The following THSD4 variants were observed in gnomAD, a reference collection of about 807,000 sequenced individuals.
THSD4 encodes the protein thrombospondin type-1 domain-containing protein 4.
In THSD4, 69 loss-of-function variants were observed where a neutral mutation model predicts 119.0. The ratio of observed to expected loss-of-function variants is 0.58; its 90% CI spans 0.48 to 0.71. The LOEUF (loss-of-function observed/expected upper bound fraction) is 0.71, where lower values mean the gene tolerates loss of function less well. Among genes scored for constraint, THSD4 ranks in the 30% least tolerant of loss-of-function variants. The pLI, the probability that THSD4 is intolerant of heterozygous loss-of-function variation, is 0.00. For missense variants in THSD4, 1,393 were observed against 1,391.1 expected, an observed-to-expected ratio of 1.00 and a Z score of -0.02; for synonymous variants, 524 against 540.4, an observed-to-expected ratio of 0.97 and a Z score of 0.42.
chr15:71,777,003 C>T (rs537509229), intron 17 of THSD4, among the ~76,000 whole-genome samples: 1 of 152,286 alleles, frequency 6.6e-6, no homozygotes, highest in African/African-American at 2.4e-5. Context: ...AGGAAGTGAT[C>T]AGAGAGAAGT....
At chr15:71,207,008 C>T (rs2043849305) in intron 3 of THSD4, among the ~76,000 whole-genome samples, 5 of 151,972 alleles carry the variant, frequency 3.3e-5, no homozygotes, top group South Asian at 2.1e-4. Flanking sequence ...ATCATGGTGT[C>T]GTTATAAGTT....
At chr15:71,508,310 G>A (rs887563872) in intron 7 of THSD4, among the ~76,000 whole-genome samples, 2 of 152,146 alleles carry the variant, frequency 1.3e-5, no homozygotes, top group Non-Finnish European at 2.9e-5. Context: ...CAGGCCTAAG[G>A]GAATTCATCT....
intron 6 of THSD4, among the ~76,000 whole-genome samples, chr15:71,337,114 T>C (rs2140382034): frequency 6.6e-6 from 1 of 152,312 alleles, no homozygotes; most frequent in African/African-American, 2.4e-5. Context: ...ACCGCCTTGG[T>C]CCTGGGCTAG....
rs11312461 is a variant in THSD4 at position 71,152,422 on chromosome 15, C to CA, written c.30-2428dup. Among the ~76,000 whole-genome samples, 615 of 120,600 alleles carry CA rather than the reference C, an allele frequency of 5.1e-3. 4 individuals are homozygous for CA. Among genetic ancestry groups the CA allele is most frequent in the Middle Eastern group, 4.9e-3 (1 of 206 alleles). The allele number at this position is 120,600 out of a possible 152,430, so 79.1% of individuals were successfully genotyped here. ...GGGAGACAGAACGAGACTCTGTCTCCAAAAAAAAAAAAATAAAAATCAACA... is the reference window on the plus strand; with the variant it reads ...GGGAGACAGAACGAGACTCTGTCTCCAAAAAAAAAAAAAATAAAAATCAACA... On this transcript the variant is annotated intron_variant, in intron 2 of 17. Transcript: ENST00000261862.
At chr15:71,318,246 C>T (rs1326347142) in intron 6 of THSD4, among the ~76,000 whole-genome samples, 1 of 152,110 alleles carries the variant, frequency 6.6e-6, no homozygotes, top group Non-Finnish European at 1.5e-5. Context: ...GACAACTGAG[C>T]CTCCAAAGTC....
chr15:71,346,713 A>G (rs1030339333), intron 6 of THSD4, among the ~76,000 whole-genome samples: 2 of 152,182 alleles, frequency 1.3e-5, no homozygotes, highest in East Asian at 3.8e-4. Context: ...TGCTGCTCCT[A>G]GACCCTTGCA....
At chr15:71,715,558 C>T (rs553560752) in intron 8 of THSD4, among the ~76,000 whole-genome samples, 19 of 151,634 alleles carry the variant, frequency 1.3e-4, no homozygotes, top group African/African-American at 4.1e-4. Flanking sequence ...TTAATGAGAC[C>T]AGGTAATTAG....
rs533684983 is a variant in THSD4 at position 71,296,077 on chromosome 15, A to G, written c.1015+39362A>G. 2.0e-5 allele frequency among the ~76,000 whole-genome samples: 3 copies of G among 152,290 alleles called. No homozygotes were observed. The South Asian group carries it at 6.2e-4, about 32-fold the overall frequency. On this transcript the variant is annotated intron_variant, in intron 6 of 17. Coordinates refer to ENST00000261862, the MANE Select transcript of THSD4 (RefSeq NM_024817.3). Reference sequence around the variant, plus strand: ...CTACTTATCAGTTGATGGATATTTGATCCAGTTGATGAGTCATGAATGATG... The same window carrying G: ...CTACTTATCAGTTGATGGATATTTGGTCCAGTTGATGAGTCATGAATGATG...
chr15:71,479,762 T>C (rs755401818), intron 7 of THSD4, among the ~76,000 whole-genome samples: 40 of 152,224 alleles, frequency 2.6e-4, no homozygotes, highest in Admixed American at 1.3e-3. Context: ...TGAAGGCCAG[T>C]GATACCTGGC....
intron 16 of THSD4, 25 bp from the exon 17 acceptor site, chr15:71,771,039 A>T: frequency 3.7e-6 from 6 of 1,609,542 alleles, no homozygotes; most frequent in Non-Finnish European, 5.1e-6. Flanking sequence ...CAAAAATCTG[A>T]TGTTTTCCCT....
chr15:71,506,616 A>T (rs1383429281), intron 7 of THSD4, among the ~76,000 whole-genome samples: 1 of 152,236 alleles, frequency 6.6e-6, no homozygotes, highest in Non-Finnish European at 1.5e-5. Context: ...AAATCCATGT[A>T]ATTCACACAA....
At chr15:71,345,429 C>T (rs1345793046) in intron 6 of THSD4, among the ~76,000 whole-genome samples, 2 of 152,116 alleles carry the variant, frequency 1.3e-5, no homozygotes, top group African/African-American at 2.4e-5. Flanking sequence ...TTTCTTCAAA[C>T]GGAGCTGGTG....
At chr15:71,397,319 G>A (rs2046467032) in intron 6 of THSD4, among the ~76,000 whole-genome samples, 1 of 152,114 alleles carries the variant, frequency 6.6e-6, no homozygotes, top group South Asian at 2.1e-4. Context: ...ATTCATACCT[G>A]TCTTCCCCAT....
intron 2 of THSD4, among the ~76,000 whole-genome samples, chr15:71,149,116 G>A (rs1334696473): frequency 6.6e-6 from 1 of 150,516 alleles, no homozygotes; most frequent in Non-Finnish European, 1.5e-5. Context: ...TCAGCTCACT[G>A]CAAGCTCCGC....
intron 1 of THSD4, among the ~76,000 whole-genome samples, chr15:71,135,516 A>G (rs2141365987): frequency 6.6e-6 from 1 of 152,078 alleles, no homozygotes; most frequent in East Asian, 1.9e-4. Flanking sequence ...TGTGCCTGCC[A>G]TTGTCAGCTA....
rs545744281 is a variant in THSD4, at chr15:71,767,173, G to T, written c.2769+1974G>T. On this transcript the variant is annotated intron_variant, in intron 16 of 17. Coordinates refer to ENST00000261862, the MANE Select transcript of THSD4 (RefSeq NM_024817.3). Reference sequence around the variant, plus strand: ...TATGAAGTAAATGGTTACTATAATAGCAAAGACTGATGGAAGCTAGACTTC... The same window carrying T: ...TATGAAGTAAATGGTTACTATAATATCAAAGACTGATGGAAGCTAGACTTC... 6 of 152,268 alleles carry T rather than the reference G, an allele frequency of 3.9e-5. No homozygotes were observed. The South Asian group carries it at 1.0e-3, about 26-fold the overall frequency. 9.4% of individuals were successfully genotyped at this position (152,268 alleles called of 1,614,324 possible).
chr15:71,119,098 C>T (rs1019451072), intron 1 of THSD4, among the ~76,000 whole-genome samples: 1 of 152,210 alleles, frequency 6.6e-6, no homozygotes, highest in African/African-American at 2.4e-5. Context: ...TCCTCCCAGC[C>T]ACCTAGAAGG....
chr15:71,261,915 T>A (rs938297316), intron 6 of THSD4, among the ~76,000 whole-genome samples: 4 of 152,170 alleles, frequency 2.6e-5, no homozygotes, highest in African/African-American at 9.7e-5. Flanking sequence ...TACTTTGGCT[T>A]TGTTTAAATA....
chr15:71,545,703 G>A (rs2048826907), intron 7 of THSD4, among the ~76,000 whole-genome samples: 1 of 152,166 alleles, frequency 6.6e-6, no homozygotes, highest in South Asian at 2.1e-4. Context: ...CAGTAACAAT[G>A]ACTAAGAAGG....
Sources: allele counts gnomAD v4.1 joint callset (sites outside exome capture counted in the v4.1 genomes callset), GRCh38; gene constraint gnomAD v4.1.1; transcripts MANE v1.5; gene names NCBI Gene and HGNC (gene_info 2026-07-23, HGNC 2026-07-21).